Variants in RAD51B observed in about 807,000 individuals in gnomAD.
The protein encoded by RAD51B is DNA repair protein RAD51 homolog 2.
A neutral mutation model predicts 42.2 loss-of-function variants in RAD51B; 38 were observed. The observed-to-expected ratio is 0.90, with a 90% CI of 0.70 to 1.18. RAD51B has a LOEUF of 1.18. RAD51B is among the 50% of genes most tolerant of loss of function. The pLI is 0.00. For missense variants in RAD51B, 373 were observed against 400.7 expected (o/e 0.93, Z 0.59); for synonymous variants, 154 against 145.2 (o/e 1.06, Z -0.43).
chr14:68,433,534 C>T (rs1451793921), intron 9 of RAD51B, among the ~76,000 whole-genome samples: 2 of 152,134 alleles, frequency 1.3e-5, no homozygotes, highest in African/African-American at 4.8e-5. Flanking sequence ...TCCAGTTGAT[C>T]GACTCGGCTC....
intron 4 of RAD51B, among the ~76,000 whole-genome samples, chr14:67,853,030 A>C (rs35223719): frequency 8.5e-5 from 13 of 152,314 alleles, no homozygotes; most frequent in African/African-American, 2.6e-4. Flanking sequence ...AAGGGGAAGG[A>C]AGAAAAGCTT....
intron 9 of RAD51B, among the ~76,000 whole-genome samples, chr14:68,461,310 C>T (rs1217767991): frequency 1.6e-5 from 2 of 128,878 alleles, no homozygotes; most frequent in African/African-American, 3.0e-5. Context: ...CCTTCTTTGT[C>T]TTGAATCATG....
chr14:68,123,853 G>A (rs73286273), intron 7 of RAD51B, among the ~76,000 whole-genome samples: 2,735 of 152,206 alleles, frequency 0.018, 89 homozygotes, highest in African/African-American at 0.062. Flanking sequence ...ACTGTTGGTT[G>A]CATTTCAAAA....
At chr14:68,157,884 A>C (rs2078547207) in intron 7 of RAD51B, among the ~76,000 whole-genome samples, 1 of 152,182 alleles carries the variant, frequency 6.6e-6, no homozygotes, top group Admixed American at 6.5e-5. Context: ...AAATCATTGG[A>C]GAAGAATCCC....
intron 7 of RAD51B, among the ~76,000 whole-genome samples, chr14:67,891,887 T>C (rs542415165): frequency 5.9e-5 from 9 of 152,298 alleles, no homozygotes; most frequent in African/African-American, 1.9e-4. Flanking sequence ...ACATTTATTT[T>C]TATCTTAAAC....
At chr14:68,483,561 G>T (rs1883368104) in intron 10 of RAD51B, among the ~76,000 whole-genome samples, 1 of 152,130 alleles carries the variant, frequency 6.6e-6, no homozygotes, top group African/African-American at 2.4e-5. Flanking sequence ...AGTGACCCCA[G>T]ACCATCATGC....
Position 67,835,213 on chromosome 14 carries a change from T to C in RAD51B, c.315+17T>C, listed in dbSNP as rs199526617. On this transcript the variant is annotated intron_variant, in intron 4 of 10. Transcript: ENST00000471583. ...CTCACAGAGGTAAAGGAAAAATTTT[T>C]CGTACCTTCTTCCATTGACCTATAA... 1 of 1,561,004 alleles carries C rather than the reference T, an allele frequency of 6.4e-7. No homozygotes were observed. The highest frequency in any genetic ancestry group is 8.8e-7 in the Non-Finnish European group (1 of 1,132,650).
downstream of RAD51B, among the ~76,000 whole-genome samples, chr14:68,480,511 G>A (rs1291101573): frequency 2.0e-5 from 3 of 152,308 alleles, no homozygotes; most frequent in Middle Eastern, 3.4e-3. Flanking sequence ...TCTGGATCTT[G>A]CAGATGAGAT....
At chr14:68,127,654 CAT>C (rs1555360661) in intron 7 of RAD51B, among the ~76,000 whole-genome samples, 1,927 of 110,486 alleles carry the variant, frequency 0.017, 24 homozygotes, top group Non-Finnish European at 0.024. Flanking sequence ...CACACACACA[CAT>C]ACACACAGTA....
rs748923325 is a variant in RAD51B, at chr14:68,001,932, A to G, written c.756+114728A>G. Among the ~76,000 whole-genome samples, 4 of 152,082 alleles carry G rather than the reference A, an allele frequency of 2.6e-5. No individual in the cohort carries two copies. In the South Asian group the frequency reaches 8.3e-4, roughly 32 times the overall value. On this transcript the variant is annotated intron_variant, in intron 7 of 10. Transcript: ENST00000471583. ...TGGTGTATACGTACCACATTTTCTT[A>G]ATCCAGTCTATCACTGATGGACATT...
chr14:68,541,277 T>G (rs1887953077), intron 10 of RAD51B: 1 of 985,330 alleles, frequency 1.0e-6, no homozygotes, highest in Non-Finnish European at 1.2e-6. Flanking sequence ...ATCTGACAAC[T>G]GGGTTCTTTG....
At chr14:68,362,710 A>G (rs1307220538) in intron 8 of RAD51B, among the ~76,000 whole-genome samples, 4 of 152,014 alleles carry the variant, frequency 2.6e-5, no homozygotes, top group South Asian at 2.1e-4. Flanking sequence ...TTAGCCGGGC[A>G]TGGTGGTGGG....
intron 7 of RAD51B, among the ~76,000 whole-genome samples, chr14:68,260,244 G>C (rs1009199845): frequency 4.5e-4 from 60 of 134,694 alleles, no homozygotes; most frequent in African/African-American, 1.4e-3. Flanking sequence ...CTCTGGGATA[G>C]GAGTAAGCTT....
At chr14:68,599,895 TTGCAGG>T (rs1404815092), downstream of RAD51B, among the ~76,000 whole-genome samples, 4 of 152,336 alleles carry the variant, frequency 2.6e-5, no homozygotes, top group African/African-American at 9.6e-5. Context: ...TAGGCTTCAC[TTGCAGG>T]TCCCAGGCCC....
In RAD51B at chr14:68,329,181, T is replaced by C. The variant is rs139456546; in HGVS notation, c.853+37201T>C. Among the ~76,000 whole-genome samples, 1,399 of 152,214 alleles carry C rather than the reference T, an allele frequency of 9.2e-3. 22 individuals carry two copies. The highest frequency in any genetic ancestry group is 0.032 in the African/African-American group (1,334 of 41,542). The stretch of plus-strand genomic sequence containing the variant: ...ATGCCACCACATCCAGCTAATTTTT[T>C]ATTTTTTGTAGAGATGGGGTCTCAC... On this transcript the variant is annotated intron_variant, in intron 8 of 10. Coordinates refer to ENST00000471583, the MANE Select transcript of RAD51B (RefSeq NM_133510.4).
At chr14:68,277,949 G>A (rs1595649009) in intron 7 of RAD51B, among the ~76,000 whole-genome samples, 1 of 152,128 alleles carries the variant, frequency 6.6e-6, no homozygotes, top group South Asian at 2.1e-4. Context: ...TGCCATGTTG[G>A]CCAGGCTGGT....
chr14:67,984,172 C>T (rs61987504), intron 7 of RAD51B, among the ~76,000 whole-genome samples: 1 of 151,954 alleles, frequency 6.6e-6, no homozygotes, highest in Non-Finnish European at 1.5e-5. Context: ...CTCTTGACCT[C>T]GTGATCTGCC....
downstream of RAD51B, among the ~76,000 whole-genome samples, chr14:68,611,928 G>A (rs982773955): frequency 1.3e-5 from 2 of 152,026 alleles, no homozygotes; most frequent in Non-Finnish European, 2.9e-5. Context: ...TCACCTGTAC[G>A]AAAACCAGTG....
intron 10 of RAD51B, among the ~76,000 whole-genome samples, chr14:68,520,739 G>A (rs1000973385): frequency 2.6e-5 from 4 of 152,128 alleles, no homozygotes; most frequent in Admixed American, 6.5e-5. Context: ...TAGGGTGTGG[G>A]GAAGAACAGG....
Sources: gnomAD v4.1 joint callset for allele counts (sites outside exome capture counted in the v4.1 genomes callset) on GRCh38, gnomAD v4.1.1 for gene constraint, MANE v1.5 for transcripts, NCBI Gene and HGNC (gene_info 2026-07-23, HGNC 2026-07-21) for gene names.